Variants in SESN3 observed in about 807,000 individuals in gnomAD.
SESN3 encodes the protein sestrin 3.
In SESN3, 21 loss-of-function variants were observed where a neutral mutation model predicts 55.3. The observed-to-expected ratio is 0.38, with a 90% confidence interval of 0.27 to 0.55. SESN3 has a LOEUF of 0.55. SESN3 is among the 20% of genes least tolerant of loss of function. The probability of loss-of-function intolerance (pLI) is 0.76; values close to 1 mark genes in which losing one functional copy is unlikely to be tolerated. For missense variants in SESN3, 408 were observed against 604.3 expected (o/e 0.68, Z 3.41); for synonymous variants, 181 against 203.1 (o/e 0.89, Z 0.93).
chr11:95,173,296 G>A lies in SESN3; in HGVS notation c.1438C>T (p.Leu480Phe), dbSNP rs1389820599. 2.5e-6 allele frequency: 4 copies of A among 1,596,858 alleles called. No individual in the cohort carries two copies. The African/African-American group carries it at 5.4e-5, about 21-fold the overall frequency. ...GTTATGGCACGAAGAGCATAAAGAA[G>A]TTCAGCTTGCATTCGTGCTTCCATT... ...LLMEARMQAE[L>F]LYALRAITRH... Residue 480 changes from leucine (L) to phenylalanine (F), a missense_variant, in exon 10 of 10, where the codon CTT becomes TTT. Coordinates refer to ENST00000536441, the MANE Select transcript of SESN3 (RefSeq NM_144665.4).
At chr11:95,205,027 T>C (rs1385188747) in intron 1 of SESN3, 1 of 152,170 alleles carries the variant, frequency 6.6e-6, no homozygotes, top group Non-Finnish European at 1.5e-5. Flanking sequence ...GCCTTCCAGA[T>C]GAGATAAATC....
chr11:95,170,745 G>A lies in SESN3; in HGVS notation c.*2510C>T, dbSNP rs1243294868. 1 of 152,162 alleles carries A rather than the reference G, an allele frequency of 6.6e-6. No homozygotes were observed. Among genetic ancestry groups the A allele is most frequent in the East Asian group, 1.9e-4 (1 of 5,200 alleles). The allele number at this position is 152,162 out of a possible 1,614,324, so 9.4% of individuals were successfully genotyped here. The stretch of plus-strand genomic sequence containing the variant: ...ATTAGTAGGTGCTTTAGCACCTGCA[G>A]AAGTCAATTTTTCTAGGCTGGTTCA... On this transcript the variant is annotated 3_prime_UTR_variant, in exon 10 of 10. Transcript: ENST00000536441.
chr11:95,186,195 TG>T, intron 4 of SESN3, among the ~76,000 whole-genome samples: 1 of 7,366 alleles, frequency 1.4e-4, no homozygotes, highest in Non-Finnish European at 3.7e-4. Context: ...TATCTCTCAC[TG>T]TGTGTGTGTG....
chr11:95,193,518 T>A lies in SESN3; in HGVS notation c.83A>T (p.Lys28Ile). 1 of 1,579,942 alleles carries A rather than the reference T, an allele frequency of 6.3e-7. No homozygotes were observed. ...CAAGGGTTGAGACACTCTGATTCTTTTATCCTATTTTTAAAAGAAAAGTTT... is the reference window on the plus strand; with the variant it reads ...CAAGGGTTGAGACACTCTGATTCTTATATCCTATTTTTAAAAGAAAAGTTT... ...TNCRKVLRKD[K>I]RIRVSQPLTR... The change falls in exon 2 of 10, where the codon AAA becomes ATA. Residue 28 changes from lysine to isoleucine, a missense_variant. Transcript: ENST00000536441.
At position 95,230,092 on chromosome 11, in the gene SESN3, G is replaced by T. The variant is rs534082195; in HGVS notation, c.78+691C>A. The T allele has an allele frequency of 6.9e-6, 1 of 145,610 alleles. No individual in the cohort carries two copies. The highest frequency in any genetic ancestry group is 6.8e-5 in the Admixed American group (1 of 14,744). The allele number at this position is 145,610 out of a possible 1,614,324, so 9.0% of individuals were successfully genotyped here. On this transcript the variant is annotated intron_variant, in intron 1 of 9. Transcript: ENST00000536441. The surrounding 1 kb of genome is among the most constrained non-coding windows in gnomAD (Gnocchi z 4.6). ...GCGCCTCATTTTTCTGGATCAACAC[G>T]GGGGCAGGGGGGTGCTAAGGAGGAA...
intron 5 of SESN3, among the ~76,000 whole-genome samples, chr11:95,184,819 G>A (rs906031676): frequency 6.6e-6 from 1 of 151,776 alleles, no homozygotes; most frequent in African/African-American, 2.4e-5. Flanking sequence ...AAGTATATAT[G>A]TGTGTGCATA....
chr11:95,183,466 A>G (rs1490519045), intron 6 of SESN3, among the ~76,000 whole-genome samples: 1 of 152,094 alleles, frequency 6.6e-6, no homozygotes, highest in Non-Finnish European at 1.5e-5. Flanking sequence ...ACAATTCTCA[A>G]AATTTATGAG....
intron 1 of SESN3, among the ~76,000 whole-genome samples, chr11:95,222,555 T>C (rs1465206627): frequency 6.6e-6 from 1 of 152,242 alleles, no homozygotes; most frequent in African/African-American, 2.4e-5. Context: ...TAAATGTCTT[T>C]AAATCAAAAT....
At chr11:95,216,155 A>G (rs535511580) in intron 1 of SESN3, among the ~76,000 whole-genome samples, 2 of 152,192 alleles carry the variant, frequency 1.3e-5, no homozygotes, top group South Asian at 2.1e-4. Context: ...TGATTGATAT[A>G]CAATAGACAG....
At chr11:95,220,186 T>C (rs928812163) in intron 1 of SESN3, among the ~76,000 whole-genome samples, 3 of 152,174 alleles carry the variant, frequency 2.0e-5, no homozygotes, top group Non-Finnish European at 4.4e-5. Context: ...TCTCAACATA[T>C]AATGAAAGCC....
intron 1 of SESN3, among the ~76,000 whole-genome samples, chr11:95,225,830 T>TAG (rs1860937237): frequency 6.6e-6 from 1 of 152,186 alleles, no homozygotes; most frequent in African/African-American, 2.4e-5. Context: ...TGCTTTACCC[T>TAG]AGATTTACCA....
intron 1 of SESN3, among the ~76,000 whole-genome samples, chr11:95,195,745 T>G (rs1457495328): frequency 1.3e-5 from 2 of 152,218 alleles, no homozygotes; most frequent in Admixed American, 1.3e-4. Flanking sequence ...TTTAGGAAGA[T>G]TCCCAGAAGT....
Position 95,177,702 on chromosome 11 carries a change from C to G in SESN3, c.1247+17G>C. ...TTCACTTAGAAATGTAAAAAACTGT[C>G]TCTACAATGAACATACCTGATTCCA... On this transcript the variant is annotated intron_variant, in intron 8 of 9. Transcript: ENST00000536441. The G allele has an allele frequency of 6.4e-7, 1 of 1,569,942 alleles. No homozygotes were observed. Among genetic ancestry groups the G allele is most frequent in the South Asian group, 1.2e-5 (1 of 85,620 alleles).
intron 7 of SESN3, among the ~76,000 whole-genome samples, chr11:95,178,481 GAAGT>G (rs1859999799): frequency 6.6e-6 from 1 of 152,262 alleles, no homozygotes; most frequent in East Asian, 1.9e-4. Context: ...CGTAATAATA[GAAGT>G]AAGTGAATAA....
intron 1 of SESN3, among the ~76,000 whole-genome samples, chr11:95,223,417 T>C (rs1367379005): frequency 1.3e-5 from 2 of 152,202 alleles, no homozygotes; most frequent in Admixed American, 1.3e-4. Flanking sequence ...TTTGGTATAA[T>C]GGACATAATT....
chr11:95,222,255 C>G (rs1860871264), intron 1 of SESN3, among the ~76,000 whole-genome samples: 2 of 151,988 alleles, frequency 1.3e-5, no homozygotes, highest in South Asian at 4.1e-4. Flanking sequence ...ATTCTTGCTC[C>G]CTATTAGAAT....
At chr11:95,206,816 G>C (rs2134250461) in intron 1 of SESN3, among the ~76,000 whole-genome samples, 1 of 149,222 alleles carries the variant, frequency 6.7e-6, no homozygotes, top group Non-Finnish European at 1.5e-5. Context: ...TTTTTTTTTA[G>C]ACGGAATCTT....
intron 1 of SESN3, among the ~76,000 whole-genome samples, chr11:95,214,040 G>A (rs1206918657): frequency 6.6e-6 from 1 of 152,170 alleles, no homozygotes. Flanking sequence ...TTTAGACCAT[G>A]AAAATGCTTT....
At chr11:95,175,714 C>T in intron 8 of SESN3, 72 bp from the exon 9 acceptor site, 4 of 1,229,170 alleles carry the variant, frequency 3.3e-6, no homozygotes, top group Non-Finnish European at 4.6e-6. Flanking sequence ...ATACTAAGGA[C>T]ATTTATTGTC....
Sources: gnomAD v4.1 joint callset for allele counts (sites outside exome capture counted in the v4.1 genomes callset) on GRCh38, gnomAD v4.1.1 for gene constraint, Gnocchi (gnomAD v3.1) non-coding constraint, MANE v1.5 for transcripts, NCBI Gene and HGNC (gene_info 2026-07-23, HGNC 2026-07-21) for gene names.